The following AGAP3 variants were observed in gnomAD, a reference collection of about 807,000 sequenced individuals.
AGAP3 encodes the protein ArfGAP with GTPase domain, ankyrin repeat and PH domain 3.
A neutral mutation model predicts 96.9 loss-of-function variants in AGAP3; 24 were observed. The observed-to-expected ratio is 0.25, with a 90% CI of 0.18 to 0.35. The LOEUF is 0.35. AGAP3 is among the 10% of genes least tolerant of loss of function. The pLI is 1.00. For missense variants in AGAP3, 876 were observed against 1,254.2 expected, an observed-to-expected ratio of 0.70 and a Z score of 4.55; for synonymous variants, 563 against 536.1, an observed-to-expected ratio of 1.05 and a Z score of -0.69.
At chr7:151,090,239 G>GT (rs1338299023) in intron 1 of AGAP3, 1 of 148,370 alleles carries the variant, frequency 6.7e-6, no homozygotes, top group Non-Finnish European at 1.5e-5. Context: ...TCCCAGATGG[G>GT]GGGGGGGGGC....
At position 151,118,018 on chromosome 7, in the gene AGAP3, A is replaced by C; in HGVS notation, c.707-192A>C. 1 of 890,620 alleles carries C rather than the reference A, an allele frequency of 1.1e-6. No individual in the cohort carries two copies. 55.2% of individuals were successfully genotyped at this position (890,620 alleles called of 1,614,324 possible). A position where few individuals can be genotyped will look rare whatever the true frequency, so the allele number is the denominator to read the frequency against. On this transcript the variant is annotated intron_variant, in intron 5 of 17. Coordinates refer to ENST00000397238, the MANE Select transcript of AGAP3 (RefSeq NM_031946.7). This position sits in a 1 kb window ranked among gnomAD's most constrained non-coding sequence, Gnocchi z 6.1. ...AGATGAATAAACGTGCTCAGAGCTTAAGTGCTTGCTGGTTTGCACTCAGTG... is the reference window on the plus strand; with the variant it reads ...AGATGAATAAACGTGCTCAGAGCTTCAGTGCTTGCTGGTTTGCACTCAGTG...
intron 1 of AGAP3, among the ~76,000 whole-genome samples, chr7:151,099,670 GGGCCGCT>G (rs1311010631): frequency 6.6e-6 from 1 of 152,326 alleles, no homozygotes. Context: ...CACCGGGACC[GGGCCGCT>G]GGCCGCTGTC....
intron 1 of AGAP3, among the ~76,000 whole-genome samples, chr7:151,087,624 G>T (rs1563408914): frequency 6.6e-6 from 1 of 152,174 alleles, no homozygotes; most frequent in Non-Finnish European, 1.5e-5. Context: ...CTCAGCGACC[G>T]CGTGGGAGGC....
rs1800939768 is a variant in AGAP3 at position 151,144,384 on chromosome 7, A to G, written c.*441A>G. On this transcript the variant is annotated 3_prime_UTR_variant, in exon 18 of 18. Transcript: ENST00000397238. ...CATTGGAATATTTATGTTTGTGTAC[A>G]TATTTGATGTGTGTGTGTATGATGA... The G allele has an allele frequency of 5.0e-6, 1 of 199,112 alleles. No homozygotes were observed. Among genetic ancestry groups the G allele is most frequent in the African/African-American group, 2.3e-5 (1 of 42,744 alleles). The allele number at this position is 199,112 out of a possible 1,614,324, so 12.3% of individuals were successfully genotyped here.
Position 151,118,162 on chromosome 7 carries a change from C to G in AGAP3, c.707-48C>G, listed in dbSNP as rs1408384551. ...GCCAAATGCCCCCCACCACACTACC[C>G]CAGCTTCTCCGAAAGCTGAATGACT... On this transcript the variant is annotated intron_variant, in intron 5 of 17. Coordinates refer to ENST00000397238, the MANE Select transcript of AGAP3 (RefSeq NM_031946.7). This position sits in a 1 kb window ranked among gnomAD's most constrained non-coding sequence, Gnocchi z 6.1. 6.4e-7 allele frequency: 1 copy of G among 1,570,672 alleles called. No homozygotes were observed. The highest frequency in any genetic ancestry group is 8.7e-7 in the Non-Finnish European group (1 of 1,152,924).
rs1417227959 is a variant in AGAP3, at chr7:151,118,436, G to C, written c.842-69G>C. The stretch of plus-strand genomic sequence containing the variant: ...CAGTGAGAGCAAGGCTGTGTGTCTG[G>C]GGGGAGGTGCTAAGCCAGGCTTTTC... On this transcript the variant is annotated intron_variant, in intron 6 of 17. Transcript: ENST00000397238. The surrounding 1 kb of genome is among the most constrained non-coding windows in gnomAD (Gnocchi z 6.1). 5.0e-6 allele frequency: 8 copies of C among 1,600,130 alleles called. No individual in the cohort carries two copies. Among genetic ancestry groups the C allele is most frequent in the South Asian group, 2.2e-5 (2 of 90,404 alleles).
chr7:151,129,733 C>T (rs981756224), intron 10 of AGAP3, among the ~76,000 whole-genome samples: 26 of 148,804 alleles, frequency 1.7e-4, no homozygotes, highest in Middle Eastern at 3.4e-3. Flanking sequence ...TTGTCCCACT[C>T]GCGAGTCCTT....
chr7:151,125,958 G>A (rs1318210320), intron 9 of AGAP3, among the ~76,000 whole-genome samples: 1 of 152,084 alleles, frequency 6.6e-6, no homozygotes, highest in East Asian at 1.9e-4. Context: ...GCCGGCCGGG[G>A]AGGGAGCAGG....
At chr7:151,115,502 G>A (rs1341999990) in intron 1 of AGAP3, 10 of 1,022,166 alleles carry the variant, frequency 9.8e-6, no homozygotes, top group Non-Finnish European at 1.2e-5. Context: ...GCGCAGCGCC[G>A]GAGCCCGGCC....
rs1800786490 is a variant in AGAP3, at chr7:151,140,846, A to AC, written c.1804+731dup. ...AGCCCCACAAATGATCATGGAGATC[A>AC]CGTAGTTCGAAGGCTGTGGTTGAAA... On this transcript the variant is annotated intron_variant, in intron 13 of 17. Coordinates refer to ENST00000397238, the MANE Select transcript of AGAP3 (RefSeq NM_031946.7). This position sits in a 1 kb window ranked among gnomAD's most constrained non-coding sequence, Gnocchi z 5.4. 6.6e-6 allele frequency: 1 copy of AC among 152,208 alleles called. No homozygotes were observed. The highest frequency in any genetic ancestry group is 2.1e-4 in the South Asian group (1 of 4,828). 9.4% of individuals were successfully genotyped at this position (152,208 alleles called of 1,614,324 possible).
At chr7:151,132,706 A>C (rs1013768793) in intron 10 of AGAP3, among the ~76,000 whole-genome samples, 1 of 152,232 alleles carries the variant, frequency 6.6e-6, no homozygotes, top group Non-Finnish European at 1.5e-5. Context: ...CGTCCAGCCC[A>C]GCCACAGAAG....
chr7:151,116,020 C>A (rs1451953598), intron 1 of AGAP3, among the ~76,000 whole-genome samples: 1 of 152,210 alleles, frequency 6.6e-6, no homozygotes, highest in South Asian at 2.1e-4. Flanking sequence ...GGGACAGTGC[C>A]TCTGGGAGCC....
intron 8 of AGAP3, among the ~76,000 whole-genome samples, chr7:151,121,340 G>T (rs752463391): frequency 1.5e-4 from 22 of 151,040 alleles, no homozygotes; most frequent in Non-Finnish European, 2.8e-4. Flanking sequence ...ACATTAGAGC[G>T]TGGGGGGGGC....
chr7:151,087,106 G>T (rs1331937034), intron 1 of AGAP3, 34 bp downstream of exon 1: 1 of 1,562,250 alleles, frequency 6.4e-7, no homozygotes, highest in South Asian at 1.2e-5. Flanking sequence ...GAGCCGGGGC[G>T]CAGTGGCCTC....
chr7:151,114,951 T>C lies in AGAP3; in HGVS notation c.332-1842T>C. On this transcript the variant is annotated intron_variant, in intron 1 of 17. Coordinates refer to ENST00000397238, the MANE Select transcript of AGAP3 (RefSeq NM_031946.7). The surrounding 1 kb of genome is among the most constrained non-coding windows in gnomAD (Gnocchi z 4.4). ...GCAGCCGGCGCGGCCGCGGAGCGTG[T>C]GCTCGGGCGGCCCGGAGCCGCCGCC... 1.0e-6 allele frequency: 1 copy of C among 983,112 alleles called. No individual in the cohort carries two copies. The highest frequency in any genetic ancestry group is 1.2e-6 in the Non-Finnish European group (1 of 830,484). The allele number at this position is 983,112 out of a possible 1,614,324, so 60.9% of individuals were successfully genotyped here.
chr7:151,115,852 G>A (rs894095750), intron 1 of AGAP3, among the ~76,000 whole-genome samples: 38 of 152,208 alleles, frequency 2.5e-4, no homozygotes, highest in African/African-American at 9.2e-4. Flanking sequence ...GCCCAGGAAA[G>A]GAAGAGGAGA....
At chr7:151,128,463 A>C in intron 9 of AGAP3, 117 bp from the exon 10 acceptor site, 1 of 797,098 alleles carries the variant, frequency 1.3e-6, no homozygotes, top group Non-Finnish European at 2.1e-6. Context: ...GCTTTGCTCA[A>C]AGTGGCCCAG....
intron 1 of AGAP3, among the ~76,000 whole-genome samples, chr7:151,100,068 G>T (rs575278388): frequency 5.9e-5 from 9 of 152,210 alleles, no homozygotes. Flanking sequence ...TGTGAATGTC[G>T]GGAAGGACCC....
rs151283982 is a variant in AGAP3, at chr7:151,138,155, C to A, written c.1508C>A (p.Ser503Ter). ...TTCCCGCCCCCAGGTGCCCCCCACT[C>A]GGCCAGCAGCGCATCCCTGCACTCT... ...QLGGGTGAPH[S>*]ASSASLHSER... The change falls in exon 12 of 18, where the codon TCG becomes TAG. Residue 503 changes from serine to a stop codon, truncating the protein, a stop_gained. Transcript: ENST00000397238. LOFTEE classifies it high-confidence loss of function. 1.3e-6 allele frequency: 2 copies of A among 1,599,946 alleles called. No individual in the cohort carries two copies. Among genetic ancestry groups the A allele is most frequent in the South Asian group, 2.2e-5 (2 of 88,892 alleles).
Sources: gnomAD v4.1 joint callset for allele counts (sites outside exome capture counted in the v4.1 genomes callset) on GRCh38, gnomAD v4.1.1 for gene constraint, Gnocchi (gnomAD v3.1) non-coding constraint, MANE v1.5 for transcripts, NCBI Gene and HGNC (gene_info 2026-07-23, HGNC 2026-07-21) for gene names.